Variants in DAB1 observed in about 807,000 individuals in gnomAD.
DAB1 encodes the protein disabled homolog 1.
A neutral mutation model predicts 64.6 loss-of-function variants in DAB1; 15 were observed. The observed-to-expected ratio is 0.23, with a 90% CI of 0.16 to 0.36. DAB1 has a LOEUF of 0.36. DAB1 is among the 10% of genes least tolerant of loss of function. The pLI is 1.00. For missense variants in DAB1, 596 were observed against 706.7 expected (o/e 0.84, Z 1.78); for synonymous variants, 235 against 251.9 (o/e 0.93, Z 0.64).
chr1:57,214,910 C>CAAAAAAAAAAAAAAAAA (rs56175448), intron 2 of DAB1, among the ~76,000 whole-genome samples: 2 of 58,736 alleles, frequency 3.4e-5, no homozygotes, highest in African/African-American at 7.1e-5. Flanking sequence ...GATTCCCTCT[C>CAAAAAAAAAAAAAAAAA]AAAAAAAAAA....
chr1:57,612,007 TG>T (rs1645732488), intron 7 of DAB1, among the ~76,000 whole-genome samples: 1 of 152,152 alleles, frequency 6.6e-6, no homozygotes, highest in Non-Finnish European at 1.5e-5. Context: ...TCTCAGATTC[TG>T]TGCATTGCTG....
chr1:57,569,284 AC>A (rs1645164655), intron 7 of DAB1, among the ~76,000 whole-genome samples: 1 of 140,684 alleles, frequency 7.1e-6, no homozygotes, highest in Non-Finnish European at 1.6e-5. Context: ...AGACACATGC[AC>A]ACGTATGTTT....
At chr1:57,475,467 G>T (rs750625319) in intron 7 of DAB1, among the ~76,000 whole-genome samples, 1 of 152,294 alleles carries the variant, frequency 6.6e-6, no homozygotes, top group East Asian at 1.9e-4. Flanking sequence ...CTAGAGGGTG[G>T]CCAGTGAATA....
intron 5 of DAB1, among the ~76,000 whole-genome samples, chr1:58,132,466 G>A (rs1653676138): frequency 6.6e-6 from 1 of 152,124 alleles, no homozygotes; most frequent in South Asian, 2.1e-4. Context: ...TTCCTATTCG[G>A]CCATCTTGGC....
chr1:57,198,804 AGACAAGACAG>A (rs1314103331), intron 2 of DAB1, among the ~76,000 whole-genome samples: 2 of 152,198 alleles, frequency 1.3e-5, no homozygotes, highest in African/African-American at 2.4e-5. Flanking sequence ...GAAAAAGGAA[AGACAAGACAG>A]GAAGAGGACA....
chr1:58,383,320 A>G (rs1404763401), intron 3 of DAB1, among the ~76,000 whole-genome samples: 2 of 152,194 alleles, frequency 1.3e-5, no homozygotes, highest in Non-Finnish European at 2.9e-5. Context: ...TGCTCATGAG[A>G]GATGGCTGGC....
chr1:57,606,569 T>G (rs1489847223), intron 7 of DAB1, among the ~76,000 whole-genome samples: 1 of 113,798 alleles, frequency 8.8e-6, no homozygotes, highest in East Asian at 2.2e-4. Context: ...ATATATTATA[T>G]ATGAAATATA....
intron 6 of DAB1, among the ~76,000 whole-genome samples, chr1:57,703,479 A>G (rs1269010684): frequency 6.6e-6 from 1 of 152,210 alleles, no homozygotes; most frequent in Non-Finnish European, 1.5e-5. Context: ...TCAAAACCAC[A>G]GTGAGATACC....
In DAB1 at chr1:57,528,861, G is replaced by A. The variant is rs561725393; in HGVS notation, n.625+120731C>T. ...ATAAAGGAAAGTAACTAAATATTCA[G>A]GTAAATTAAAATGGAGACAATTTGT... On this transcript the variant is annotated intron_variant and non_coding_transcript_variant, in intron 7 of 20. Coordinates refer to the DAB1 transcript ENST00000485760. 5.2e-4 allele frequency among the ~76,000 whole-genome samples: 79 copies of A among 152,068 alleles called. 1 individual carries two copies. The highest frequency in any genetic ancestry group is 4.6e-3 in the Admixed American group (70 of 15,264).
At chr1:57,854,341 A>G (rs1653662325) in intron 1 of DAB1, among the ~76,000 whole-genome samples, 1 of 152,204 alleles carries the variant, frequency 6.6e-6, no homozygotes, top group Non-Finnish European at 1.5e-5. Context: ...TCAAGGTCTC[A>G]TTACTGGGCC....
chr1:58,106,233 A>G (rs1651632533), intron 5 of DAB1, among the ~76,000 whole-genome samples: 1 of 150,178 alleles, frequency 6.7e-6, no homozygotes, highest in Non-Finnish European at 1.5e-5. Context: ...GCTGGAGTGC[A>G]GTGGTAGGAT....
At chr1:57,740,046 CAA>C (rs34382329) in intron 6 of DAB1, among the ~76,000 whole-genome samples, 21 of 103,072 alleles carry the variant, frequency 2.0e-4, no homozygotes, top group Admixed American at 4.8e-4. Context: ...ACTACTACTA[CAA>C]AAAAAAAAAA....
chr1:57,913,306 T>A (rs1183119865), intron 5 of DAB1, among the ~76,000 whole-genome samples: 1 of 152,158 alleles, frequency 6.6e-6, no homozygotes, highest in Non-Finnish European at 1.5e-5. Context: ...TACAACTATC[T>A]GATCTTTGAC....
intron 1 of DAB1, among the ~76,000 whole-genome samples, chr1:57,865,828 A>G (rs989075735): frequency 3.9e-5 from 6 of 152,230 alleles, no homozygotes; most frequent in Admixed American, 3.3e-4. Flanking sequence ...CTTATTCTTT[A>G]TGAGCTGCTA....
intron 4 of DAB1, among the ~76,000 whole-genome samples, chr1:58,175,779 C>T (rs984941351): frequency 6.6e-6 from 1 of 152,120 alleles, no homozygotes; most frequent in Admixed American, 6.5e-5. Context: ...GGTCATCCTT[C>T]CAGCTAATAA....
At chr1:57,418,851 A>G (rs926729012) in intron 1 of DAB1, among the ~76,000 whole-genome samples, 2 of 152,206 alleles carry the variant, frequency 1.3e-5, no homozygotes, top group South Asian at 2.1e-4. Context: ...TGATTCCTCA[A>G]CCAAAACCTT....
At chr1:57,011,299 C>G in intron 12 of DAB1, 27 bp from the exon 13 acceptor site, 1 of 1,607,222 alleles carries the variant, frequency 6.2e-7, no homozygotes, top group Non-Finnish European at 8.5e-7. Context: ...GAAAAAGAGA[C>G]ATCTTAAGTG....
At position 58,410,606 on chromosome 1, in the gene DAB1, ACT is replaced by A; in HGVS notation, n.258-67205_258-67204del. On this transcript the variant is annotated intron_variant and non_coding_transcript_variant, in intron 3 of 20. Coordinates refer to the DAB1 transcript ENST00000485760. The stretch of plus-strand genomic sequence containing the variant: ...CTAGTCCCATTTTCCAGATGAGAAA[ACT>A]AAGACCCGTAATAGAAGCAGGATCT... Among the ~76,000 whole-genome samples, 2 of 152,190 alleles carry A rather than the reference ACT, an allele frequency of 1.3e-5. 1 individual carries two copies. Among genetic ancestry groups the A allele is most frequent in the East Asian group, 3.9e-4 (2 of 5,194 alleles).
intron 2 of DAB1, among the ~76,000 whole-genome samples, chr1:57,216,686 C>A (rs1319983812): frequency 6.6e-6 from 1 of 152,206 alleles, no homozygotes; most frequent in East Asian, 1.9e-4. Flanking sequence ...ACTATATTTA[C>A]AATCATCCCT....
Sources: allele counts gnomAD v4.1 joint callset (sites outside exome capture counted in the v4.1 genomes callset), GRCh38; gene constraint gnomAD v4.1.1; transcripts MANE v1.5; gene names NCBI Gene and HGNC (gene_info 2026-07-23, HGNC 2026-07-21).